The following REPIN1 variants were observed in gnomAD, a reference collection of about 807,000 sequenced individuals.
REPIN1 encodes replication initiator 1, also known as DNA-binding protein REPIN1.
A neutral mutation model predicts 5.7 loss-of-function variants in REPIN1; 4 were observed. That is an observed-to-expected ratio of 0.71 (90% confidence interval 0.35 to 1.62). The LOEUF (loss-of-function observed/expected upper bound fraction) is 1.62. REPIN1 is among the 40% of genes most tolerant of loss of function. REPIN1 has a pLI of 0.05. For missense variants in REPIN1, 854 were observed against 901.0 expected (o/e 0.95, Z 0.67); for synonymous variants, 410 against 386.2 (o/e 1.06, Z -0.72).
chr7:150,372,840 C>G lies in REPIN1; in HGVS notation c.1770C>G (p.His590Gln). Residue 590 changes from histidine (H) to glutamine (Q), a missense_variant, in exon 3 of 3, where the codon CAC becomes CAG. By Grantham distance (24) the His-to-Gln change is conservative (BLOSUM62 0). Transcript: ENST00000489432. ...SFSQKSNLIT[H>Q]RKSHIRDGAF... ...GCCAGAAGTCCAACCTCATCACCCACCGCAAGAGCCACATCCGGGACGGCG... is the reference window on the plus strand; with the variant it reads ...GCCAGAAGTCCAACCTCATCACCCAGCGCAAGAGCCACATCCGGGACGGCG... 1 of 1,612,808 alleles carries G rather than the reference C, an allele frequency of 6.2e-7. No individual in the cohort carries two copies. Among genetic ancestry groups the G allele is most frequent in the South Asian group, 1.1e-5 (1 of 91,090 alleles).
Position 150,372,100 on chromosome 7 carries a change from A to G in REPIN1, c.1030A>G (p.Thr344Ala). Residue 344 changes from threonine to alanine, a missense_variant, in exon 3 of 3, where the codon ACC (threonine) becomes GCC (alanine). By Grantham distance (58) the Thr-to-Ala change is moderately conservative. Transcript: ENST00000489432. ...PYLTSHRRIH[T>A]GEKPYPCKEC... ...TCTGACTTCGCACCGGCGCATCCAC[A>G]CCGGCGAGAAGCCCTACCCGTGCAA... 6.2e-7 allele frequency: 1 copy of G among 1,611,024 alleles called. No individual in the cohort carries two copies. Among genetic ancestry groups the G allele is most frequent in the Non-Finnish European group, 8.5e-7 (1 of 1,179,332 alleles).
chr7:150,369,004 G>A (rs1799157822), intron 1 of REPIN1, 63 bp downstream of exon 1: 1 of 377,812 alleles, frequency 2.6e-6, no homozygotes, highest in Non-Finnish European at 4.7e-6. Context: ...CACCTGCGGG[G>A]CGCGTGACCG....
Position 150,371,830 on chromosome 7 carries a change from C to T in REPIN1, c.760C>T (p.Arg254Trp), listed in dbSNP as rs760468720. 21 of 1,608,336 alleles carry T rather than the reference C, an allele frequency of 1.3e-5. No individual in the cohort carries two copies. Among genetic ancestry groups the T allele is most frequent in the Non-Finnish European group, 1.8e-5 (21 of 1,178,004 alleles). ...GTGGGACCAGCTAGTTGCCCACAAG[C>T]GGGTGCACGTAGCTGAGGCCCTGGA... ...AQWDQLVAHKRVHVAEALEEA... is the reference protein window; with the variant it reads ...AQWDQLVAHKWVHVAEALEEA... The change falls in exon 3 of 3, where the codon CGG becomes TGG. Residue 254 changes from arginine to tryptophan, a missense_variant. Arg to Trp is a moderately radical substitution (Grantham distance 101). Transcript: ENST00000489432.
At position 150,371,265 on chromosome 7, in the gene REPIN1, C is replaced by T. The variant is rs537682450; in HGVS notation, c.195C>T (p.Gly65=). Residue 65 remains glycine, a synonymous_variant, in exon 3 of 3, where the codon GGC becomes GGT. Coordinates refer to ENST00000489432, the MANE Select transcript of REPIN1 (RefSeq NM_001099695.2). ...EEPMLERRCR[G]PLAMGLAQPR... The stretch of plus-strand genomic sequence containing the variant: ...CGATGCTGGAACGTCGTTGCAGGGG[C>T]CCCCTGGCCATGGGCCTGGCCCAGC... 3 of 1,599,780 alleles carry T rather than the reference C, an allele frequency of 1.9e-6. No individual in the cohort carries two copies. The highest frequency in any genetic ancestry group is 2.2e-5 in the South Asian group (2 of 89,442).
rs1287407197 is a variant in REPIN1 at position 150,371,972 on chromosome 7, G to A, written c.902G>A (p.Arg301His). 3 of 1,610,164 alleles carry A rather than the reference G, an allele frequency of 1.9e-6. No individual in the cohort carries two copies. The highest frequency in any genetic ancestry group is 2.5e-6 in the Non-Finnish European group (3 of 1,179,582). Reference protein sequence around the residue: ...RPFQCACCGKRFRHKPNLIAH... With the variant: ...RPFQCACCGKHFRHKPNLIAH... ...TTCCAGTGTGCCTGTTGTGGCAAGC[G>A]CTTCCGGCACAAGCCCAACTTGATC... is the stretch of plus-strand genomic sequence containing the variant. Residue 301 changes from arginine to histidine, a missense_variant, in exon 3 of 3, where the codon CGC (arginine) becomes CAC (histidine). By Grantham distance (29) the Arg-to-His change is conservative (BLOSUM62 0). This residue lies in a region of REPIN1 where 409 missense variants were observed against 418.6 expected (regional missense o/e 0.98). Coordinates refer to ENST00000489432, the MANE Select transcript of REPIN1 (RefSeq NM_001099695.2).
Position 150,372,207 on chromosome 7 carries a change from G to T in REPIN1, c.1137G>T (p.Gln379His). 2 of 1,584,148 alleles carry T rather than the reference G, an allele frequency of 1.3e-6. No homozygotes were observed. The highest frequency in any genetic ancestry group is 1.1e-5 in the South Asian group (1 of 88,796). ...KIHKRSEGSA[Q>H]AAPGPGSPQL... ...ACAAGCGATCCGAGGGGTCGGCCCA[G>T]GCCGCCCCCGGCCCGGGGAGCCCCC... is the stretch of plus-strand genomic sequence containing the variant. The change falls in exon 3 of 3, where the codon CAG (glutamine) becomes CAT (histidine). Residue 379 changes from glutamine (Q) to histidine (H), a missense_variant. By Grantham distance (24) the Gln-to-His change is conservative (BLOSUM62 0). Transcript: ENST00000489432.
chr7:150,371,782 A>G lies in REPIN1; in HGVS notation c.712A>G (p.Asn238Asp). ...GGAGGCCCGGCCCTTCATATGCGGC[A>G]ACTGTGGCCGGAGCTTTGCCCAGTG... ...APEARPFICGNCGRSFAQWDQ... is the reference protein window; with the variant it reads ...APEARPFICGDCGRSFAQWDQ... The change falls in exon 3 of 3, where the codon AAC (asparagine) becomes GAC (aspartate). Residue 238 changes from asparagine to aspartate, a missense_variant. Physicochemically the swap from Asn to Asp is conservative, Grantham distance 23. Transcript: ENST00000489432. 6.2e-7 allele frequency: 1 copy of G among 1,611,510 alleles called. No individual in the cohort carries two copies. Among genetic ancestry groups the G allele is most frequent in the Non-Finnish European group, 8.5e-7 (1 of 1,179,630 alleles).
intron 2 of REPIN1, 94 bp downstream of exon 2, chr7:150,369,962 A>T: frequency 7.0e-7 from 1 of 1,423,980 alleles, no homozygotes. Context: ...CCTTTCTCAT[A>T]TCCTGGGGTC....
Position 150,372,020 on chromosome 7 carries a change from G to A in REPIN1, c.950G>A (p.Gly317Asp), listed in dbSNP as rs1308127424. ...NLIAHRRVHT[G>D]ERPHQCPECG... is the part of the protein sequence containing the mutation. ...ATCGCTCACCGCCGCGTGCACACGG[G>A]CGAGCGGCCCCACCAGTGCCCCGAG... The change falls in exon 3 of 3, where the codon GGC (glycine) becomes GAC (aspartate). Residue 317 changes from glycine (G) to aspartate (D), a missense_variant. Physicochemically the swap from Gly to Asp is moderately conservative, Grantham distance 94. This residue lies in a region of REPIN1 where 12 missense variants were observed against 29.8 expected (regional missense o/e 0.40). Transcript: ENST00000489432. 1.9e-6 allele frequency: 3 copies of A among 1,611,982 alleles called. No individual in the cohort carries two copies. Among genetic ancestry groups the A allele is most frequent in the African/African-American group, 1.3e-5 (1 of 74,900 alleles).
intron 2 of REPIN1, chr7:150,370,125 G>C: frequency 2.4e-6 from 1 of 423,900 alleles, no homozygotes; most frequent in Middle Eastern, 6.4e-4. Flanking sequence ...TCCTCCTTCC[G>C]CGGAGGAGGC....
intron 2 of REPIN1, chr7:150,370,300 G>C (rs1219651611): frequency 4.1e-6 from 1 of 243,248 alleles, no homozygotes; most frequent in Non-Finnish European, 8.2e-6. Context: ...AGGCAGAGCC[G>C]GTGATCAGGC....
chr7:150,371,474 G>T lies in REPIN1; in HGVS notation c.404G>T (p.Arg135Leu), dbSNP rs1413330656. Residue 135 changes from arginine (R) to leucine (L), a missense_variant, in exon 3 of 3, where the codon CGG becomes CTG. By Grantham distance (102) the Arg-to-Leu change is moderately radical. Transcript: ENST00000489432. The stretch of plus-strand genomic sequence containing the variant: ...GTGGCTCTGTGGCTTCACACCCGCC[G>T]GTGCCAGGCCCGGCTGCCCTTGCCC... ...GWVALWLHTRRCQARLPLPCP... is the reference protein window; with the variant it reads ...GWVALWLHTRLCQARLPLPCP... 6.2e-7 allele frequency: 1 copy of T among 1,607,432 alleles called. No individual in the cohort carries two copies. Among genetic ancestry groups the T allele is most frequent in the African/African-American group, 1.3e-5 (1 of 75,036 alleles).
intron 2 of REPIN1, 80 bp downstream of exon 2, chr7:150,369,948 T>C: frequency 6.7e-7 from 1 of 1,492,390 alleles, no homozygotes; most frequent in Non-Finnish European, 9.0e-7. Flanking sequence ...CGGAAGGAAA[T>C]GGCCCTTTCT....
Position 150,371,460 on chromosome 7 carries a change from G to T in REPIN1, c.390G>T (p.Trp130Cys). Residue 130 changes from tryptophan to cysteine, a missense_variant, in exon 3 of 3, where the codon TGG (tryptophan) becomes TGT (cysteine). Trp to Cys is a radical substitution (Grantham distance 215, BLOSUM62 -2). Coordinates refer to ENST00000489432, the MANE Select transcript of REPIN1 (RefSeq NM_001099695.2). ...RRHFPGWVALWLHTRRCQARL... is the reference protein window; with the variant it reads ...RRHFPGWVALCLHTRRCQARL... ...ACTTCCCTGGCTGGGTGGCTCTGTG[G>T]CTTCACACCCGCCGGTGCCAGGCCC... 2.5e-6 allele frequency: 4 copies of T among 1,605,514 alleles called. No homozygotes were observed. The highest frequency in any genetic ancestry group is 2.5e-6 in the Non-Finnish European group (3 of 1,178,748).
At chr7:150,371,128 G>T in intron 2 of REPIN1, 100 bp from the exon 3 acceptor site, 1 of 1,361,314 alleles carries the variant, frequency 7.3e-7, no homozygotes, top group South Asian at 1.5e-5. Context: ...GGCTCTAGGG[G>T]TTCATAGATG....
chr7:150,369,944 G>A (rs912899735), intron 2 of REPIN1, 76 bp downstream of exon 2: 35 of 1,501,898 alleles, frequency 2.3e-5, no homozygotes, highest in Middle Eastern at 2.4e-4. Flanking sequence ...CCGGCGGAAG[G>A]AAATGGCCCT....
In REPIN1 at chr7:150,369,667, A is replaced by T; in HGVS notation, c.-41-4A>T. 1.9e-6 allele frequency: 3 copies of T among 1,613,122 alleles called. No homozygotes were observed. The South Asian group carries it at 3.3e-5, about 18-fold the overall frequency. On this transcript the variant is annotated splice_region_variant and splice_polypyrimidine_tract_variant and intron_variant, in intron 1 of 2. Coordinates refer to ENST00000489432, the MANE Select transcript of REPIN1 (RefSeq NM_001099695.2). ...CACTTCTGTTTTCTCTTCCCTCCCC[A>T]CAGGTAAGGCTGGCCTCTCTGCAGT...
Position 150,370,679 on chromosome 7 carries a change from A to G in REPIN1, c.158-549A>G, listed in dbSNP as rs1029372864. ...TTTAAAGACCTGTTCCCTAGTCTTG[A>G]TTCTGCTGTTGGCTTACTGTGTCAC... On this transcript the variant is annotated intron_variant, in intron 2 of 2. Coordinates refer to ENST00000489432, the MANE Select transcript of REPIN1 (RefSeq NM_001099695.2). The G allele has an allele frequency of 8.6e-6, 6 of 700,998 alleles. No individual in the cohort carries two copies. In the Admixed American group the frequency reaches 1.2e-4, roughly 14 times the overall value. The allele number at this position is 700,998 out of a possible 1,614,324, so 43.4% of individuals were successfully genotyped here. A position where few individuals can be genotyped will look rare whatever the true frequency, so the allele number is the denominator to read the frequency against.
chr7:150,370,641 A>G (rs1381962693), intron 2 of REPIN1: 1 of 679,118 alleles, frequency 1.5e-6, no homozygotes, highest in African/African-American at 1.8e-5. Context: ...AGGAAAGAAC[A>G]CTGGCCTGGG....
Sources: gnomAD v4.1 joint callset for allele counts on GRCh38, gnomAD v4.1.1 for gene constraint, gnomAD v4.1.1 regional missense constraint, MANE v1.5 for transcripts, NCBI Gene and HGNC (gene_info 2026-07-23, HGNC 2026-07-21) for gene names.